CFAP300: variants seen among roughly 807,000 people sequenced by gnomAD.
CFAP300 encodes cilia- and flagella-associated protein 300.
Under a neutral mutation model 33.0 loss-of-function variants are expected in CFAP300, and 32 were observed. The ratio of observed to expected loss-of-function variants is 0.97; its 90% CI spans 0.73 to 1.30. CFAP300 has a LOEUF of 1.30. Ranked by LOEUF, CFAP300 falls within the 50% of genes most tolerant of loss-of-function variation. CFAP300 has a pLI of 0.00. For synonymous variants in CFAP300, 102 were observed against 106.8 expected (o/e 0.95, Z 0.28); for missense variants, 356 against 318.1 (o/e 1.12, Z -0.90).
chr11:102,070,155 A>G (rs574301959), intron 4 of CFAP300, among the ~76,000 whole-genome samples: 1 of 152,126 alleles, frequency 6.6e-6, no homozygotes, highest in South Asian at 2.1e-4. Context: ...AAGAGGGAGG[A>G]AGGAAGGAAG....
At chr11:102,075,477 C>T (rs752397154) in intron 4 of CFAP300, among the ~76,000 whole-genome samples, 15 of 152,108 alleles carry the variant, frequency 9.9e-5, no homozygotes, top group East Asian at 1.9e-4. Flanking sequence ...AGAAAATGAC[C>T]GTTTAGTCTC....
At chr11:102,062,542 T>G (rs1421651352) in intron 3 of CFAP300, among the ~76,000 whole-genome samples, 1 of 152,194 alleles carries the variant, frequency 6.6e-6, no homozygotes, top group Non-Finnish European at 1.5e-5. Context: ...TCTATTGTTT[T>G]ATGGAAGGTA....
At chr11:102,061,990 G>A (rs1942155718) in intron 3 of CFAP300, among the ~76,000 whole-genome samples, 1 of 152,098 alleles carries the variant, frequency 6.6e-6, no homozygotes, top group Admixed American at 6.5e-5. Context: ...AAATTCATAT[G>A]TTTAACCCCT....
Position 102,063,168 on chromosome 11 carries a change from G to A in CFAP300, c.269-3317G>A, listed in dbSNP as rs184921298. Reference sequence around the variant, plus strand: ...GAGATTGGGCCACCCGGAGCCTTCAGGGCTCTACCGCCACCAGGGTAGAAG... The same window carrying A: ...GAGATTGGGCCACCCGGAGCCTTCAAGGCTCTACCGCCACCAGGGTAGAAG... On this transcript the variant is annotated intron_variant, in intron 3 of 6. Coordinates refer to ENST00000434758, the MANE Select transcript of CFAP300 (RefSeq NM_032930.3). Among the ~76,000 whole-genome samples, 329 of 152,332 alleles carry A rather than the reference G, an allele frequency of 2.2e-3. 1 individual carries two copies. The highest frequency in any genetic ancestry group is 7.6e-3 in the African/African-American group (318 of 41,588).
chr11:102,063,742 C>T (rs1942185074), intron 3 of CFAP300, among the ~76,000 whole-genome samples: 1 of 152,084 alleles, frequency 6.6e-6, no homozygotes, highest in Admixed American at 6.6e-5. Context: ...TCACTTGAGC[C>T]CAGGAAGTTG....
At chr11:102,068,199 T>A (rs1228954771) in intron 4 of CFAP300, among the ~76,000 whole-genome samples, 1 of 152,188 alleles carries the variant, frequency 6.6e-6, no homozygotes, top group Non-Finnish European at 1.5e-5. Context: ...ACTGTTATTA[T>A]TATCCTTAAT....
chr11:102,065,491 G>A (rs1942209290), intron 3 of CFAP300, among the ~76,000 whole-genome samples: 1 of 152,042 alleles, frequency 6.6e-6, no homozygotes, highest in South Asian at 2.1e-4. Context: ...TTGTGGCCAG[G>A]CGCGGTTGCT....
intron 5 of CFAP300, among the ~76,000 whole-genome samples, chr11:102,079,811 G>C (rs1487921920): frequency 6.6e-6 from 1 of 152,174 alleles, no homozygotes; most frequent in Non-Finnish European, 1.5e-5. Context: ...CAGCTGAGGT[G>C]TAACAGAAAG....
chr11:102,079,281 G>C (rs1942441540), intron 5 of CFAP300, among the ~76,000 whole-genome samples: 2 of 152,128 alleles, frequency 1.3e-5, no homozygotes, highest in African/African-American at 4.8e-5. Flanking sequence ...TATTGACCTA[G>C]GTGATTATAT....
At position 102,050,049 on chromosome 11, in the gene CFAP300, C is replaced by T. The variant is rs149704087; in HGVS notation, c.192+2153C>T. 4.8e-3 allele frequency among the ~76,000 whole-genome samples: 724 copies of T among 151,998 alleles called. 9 individuals are homozygous for T. Among genetic ancestry groups the T allele is most frequent in the African/African-American group, 0.017 (684 of 41,452 alleles). The stretch of plus-strand genomic sequence containing the variant: ...ACACACCTGTAGTCCTAGCTACTTG[C>T]GGGGCTGAGGTGGGAGGATTACTTG... On this transcript the variant is annotated intron_variant, in intron 2 of 6. Coordinates refer to ENST00000434758, the MANE Select transcript of CFAP300 (RefSeq NM_032930.3).
At chr11:102,082,606 A>C (rs1049674354) in intron 6 of CFAP300, among the ~76,000 whole-genome samples, 1 of 152,204 alleles carries the variant, frequency 6.6e-6, no homozygotes. Context: ...ATTAACTGCC[A>C]ATTTATTGTC....
At chr11:102,051,283 A>G (rs968245484) in intron 2 of CFAP300, among the ~76,000 whole-genome samples, 2 of 152,202 alleles carry the variant, frequency 1.3e-5, no homozygotes, top group South Asian at 2.1e-4. Context: ...TGGGCCCAGT[A>G]TATAGTGTTG....
chr11:102,068,280 G>A (rs1942258320), intron 4 of CFAP300, among the ~76,000 whole-genome samples: 2 of 152,210 alleles, frequency 1.3e-5, no homozygotes, highest in African/African-American at 4.8e-5. Flanking sequence ...GGAAGCTACT[G>A]ATCCATCATT....
At chr11:102,075,216 A>G (rs966915391) in intron 4 of CFAP300, among the ~76,000 whole-genome samples, 2 of 152,062 alleles carry the variant, frequency 1.3e-5, no homozygotes, top group Non-Finnish European at 2.9e-5. Context: ...TAAATGAATC[A>G]GTGGTCTGTA....
chr11:102,053,744 A>C (rs781405226), intron 2 of CFAP300, among the ~76,000 whole-genome samples: 4 of 152,182 alleles, frequency 2.6e-5, no homozygotes, highest in Non-Finnish European at 5.9e-5. Flanking sequence ...AAAGAACTTC[A>C]GTGTTTTGCC....
chr11:102,079,699 G>A (rs1346993324), intron 5 of CFAP300, among the ~76,000 whole-genome samples: 1 of 152,162 alleles, frequency 6.6e-6, no homozygotes, highest in Non-Finnish European at 1.5e-5. Context: ...AAGTAGAGAA[G>A]AGGGTATCTT....
intron 4 of CFAP300, 52 bp from the exon 5 acceptor site, chr11:102,075,820 CA>C: frequency 2.8e-6 from 4 of 1,413,582 alleles, no homozygotes; most frequent in Non-Finnish European, 3.9e-6. Flanking sequence ...CCTTTGAAAA[CA>C]AAAGTAAAAA....
intron 3 of CFAP300, among the ~76,000 whole-genome samples, chr11:102,066,257 G>A (rs1289990639): frequency 2.0e-5 from 3 of 152,106 alleles, no homozygotes; most frequent in South Asian, 2.1e-4. Context: ...TTACAGGCAT[G>A]AGCCACCATG....
At position 102,047,849 on chromosome 11, in the gene CFAP300, G is replaced by A; in HGVS notation, c.145G>A (p.Gly49Ser). 1 of 1,614,164 alleles carries A rather than the reference G, an allele frequency of 6.2e-7. No homozygotes were observed. The highest frequency in any genetic ancestry group is 8.5e-7 in the Non-Finnish European group (1 of 1,180,030). ...GGGCAGAATCAAGGCGCAGGCGTTC[G>A]GCTTTGACCAGACCTTTCAGTCCTA... ...MLGRIKAQAF[G>S]FDQTFQSYRK... Residue 49 changes from glycine to serine, a missense_variant, in exon 2 of 7, where the codon GGC becomes AGC. Physicochemically the swap from Gly to Ser is moderately conservative, Grantham distance 56. Transcript: ENST00000434758.
Sources: allele counts gnomAD v4.1 joint callset (sites outside exome capture counted in the v4.1 genomes callset), GRCh38; gene constraint gnomAD v4.1.1; transcripts MANE v1.5; gene names NCBI Gene and HGNC (gene_info 2026-07-23, HGNC 2026-07-21).